KIAA1217: variants seen among roughly 807,000 people sequenced by gnomAD.
KIAA1217 encodes the protein sickle tail protein homolog.
KIAA1217 carries 88 observed loss-of-function variants against 163.9 expected under a neutral mutation model. The observed-to-expected ratio is 0.54, with a 90% CI of 0.45 to 0.64. KIAA1217 has a LOEUF of 0.64. Ranked by LOEUF, KIAA1217 falls within the 30% of genes least tolerant of loss-of-function variation. The probability of loss-of-function intolerance (pLI) is 0.00; values close to 1 mark genes in which losing one functional copy is unlikely to be tolerated. For synonymous variants in KIAA1217, 903 were observed against 923.1 expected (o/e 0.98, Z 0.39); for missense variants, 2,372 against 2,475.0 (o/e 0.96, Z 0.88).
chr10:24,020,802 A>C (rs1847699715), intron 2 of KIAA1217, among the ~76,000 whole-genome samples: 1 of 152,052 alleles, frequency 6.6e-6, no homozygotes, highest in East Asian at 1.9e-4. Flanking sequence ...AAAGCAGAGG[A>C]GACAGACTCT....
chr10:24,128,269 A>G (rs1276677010), intron 2 of KIAA1217, among the ~76,000 whole-genome samples: 3 of 152,222 alleles, frequency 2.0e-5, no homozygotes, highest in African/African-American at 4.8e-5. Flanking sequence ...TTGCCAGAAC[A>G]TTAACCTCAA....
At chr10:24,343,380 A>G (rs2047343006) in intron 2 of KIAA1217, among the ~76,000 whole-genome samples, 1 of 151,236 alleles carries the variant, frequency 6.6e-6, no homozygotes, top group African/African-American at 2.4e-5. Flanking sequence ...ACGTTAGAGT[A>G]TATTTTCCTA....
intron 2 of KIAA1217, among the ~76,000 whole-genome samples, chr10:24,112,061 A>C (rs1236367649): frequency 6.6e-6 from 1 of 152,138 alleles, no homozygotes; most frequent in East Asian, 1.9e-4. Flanking sequence ...TTGGACTCCC[A>C]AAGTACTGAG....
intron 2 of KIAA1217, among the ~76,000 whole-genome samples, chr10:24,123,353 G>A (rs1349835685): frequency 6.6e-6 from 1 of 151,998 alleles, no homozygotes; most frequent in African/African-American, 2.4e-5. Context: ...TTGCAGGATA[G>A]TATCATGTTG....
At chr10:23,763,701 T>A (rs183141651) in intron 1 of KIAA1217, among the ~76,000 whole-genome samples, 60 of 152,318 alleles carry the variant, frequency 3.9e-4, no homozygotes, top group Admixed American at 7.8e-4. Flanking sequence ...GAAGACTTCA[T>A]GACAAGCCAA....
At chr10:24,122,085 A>C (rs1193526965) in intron 2 of KIAA1217, among the ~76,000 whole-genome samples, 4 of 152,108 alleles carry the variant, frequency 2.6e-5, no homozygotes, top group Non-Finnish European at 4.4e-5. Context: ...ACTGAGGTTT[A>C]AGCTTCTATT....
intron 2 of KIAA1217, among the ~76,000 whole-genome samples, chr10:24,262,023 T>A (rs2075773169): frequency 6.6e-6 from 1 of 152,058 alleles, no homozygotes; most frequent in South Asian, 2.1e-4. Flanking sequence ...TTGTAATGTA[T>A]CAGATCCATA....
intron 2 of KIAA1217, among the ~76,000 whole-genome samples, chr10:24,343,537 C>T (rs766819163): frequency 1.3e-5 from 2 of 152,144 alleles, no homozygotes; most frequent in Non-Finnish European, 1.5e-5. Flanking sequence ...AATATTTCTC[C>T]AGTTGTTAAA....
At chr10:23,815,174 G>T (rs35703450) in intron 1 of KIAA1217, among the ~76,000 whole-genome samples, 2 of 152,000 alleles carry the variant, frequency 1.3e-5, no homozygotes, top group Non-Finnish European at 2.9e-5. Context: ...TTAAAATTGA[G>T]GCAAAGGTTT....
intron 1 of KIAA1217, among the ~76,000 whole-genome samples, chr10:23,982,227 TAAAG>T (rs1386826963): frequency 6.6e-6 from 1 of 152,306 alleles, no homozygotes; most frequent in African/African-American, 2.4e-5. Context: ...TTACAACTGT[TAAAG>T]AAAGAAACTG....
intron 1 of KIAA1217, among the ~76,000 whole-genome samples, chr10:23,847,913 T>A (rs917845048): frequency 2.0e-5 from 3 of 152,176 alleles, no homozygotes; most frequent in Non-Finnish European, 4.4e-5. Context: ...TCTGGTACAT[T>A]GTGTCTTTGT....
intron 5 of KIAA1217, among the ~76,000 whole-genome samples, chr10:24,446,692 C>T (rs192499478): frequency 2.0e-5 from 3 of 152,336 alleles, no homozygotes; most frequent in Admixed American, 6.5e-5. Context: ...ACATTCCTGA[C>T]GTGCTTACTC....
intron 1 of KIAA1217, among the ~76,000 whole-genome samples, chr10:23,941,587 G>C (rs752164202): frequency 5.9e-5 from 9 of 152,126 alleles, no homozygotes; most frequent in Non-Finnish European, 8.8e-5. Context: ...GGAAATTGAG[G>C]ATGACCATCT....
chr10:23,903,972 T>C (rs937564557), intron 1 of KIAA1217, among the ~76,000 whole-genome samples: 1 of 152,136 alleles, frequency 6.6e-6, no homozygotes, highest in Non-Finnish European at 1.5e-5. Flanking sequence ...CATATACTAA[T>C]TGATTACCAT....
chr10:23,790,744 T>C (rs1404954139), intron 1 of KIAA1217, among the ~76,000 whole-genome samples: 1 of 146,944 alleles, frequency 6.8e-6, no homozygotes, highest in African/African-American at 2.6e-5. Flanking sequence ...TGTATGTATG[T>C]AAAATCTGAG....
At chr10:24,062,895 A>G (rs1331038100) in intron 2 of KIAA1217, among the ~76,000 whole-genome samples, 6 of 145,662 alleles carry the variant, frequency 4.1e-5, no homozygotes, top group Non-Finnish European at 8.8e-5. Context: ...GCCAGTGATG[A>G]TGAGCATTTT....
At chr10:23,802,475 T>G (rs1374900711) in intron 1 of KIAA1217, among the ~76,000 whole-genome samples, 3 of 152,208 alleles carry the variant, frequency 2.0e-5, no homozygotes, top group African/African-American at 7.2e-5. Context: ...TATTGACCTC[T>G]CTGCAAATTG....
chr10:24,058,946 C>A (rs539694305), intron 2 of KIAA1217, among the ~76,000 whole-genome samples: 5 of 152,134 alleles, frequency 3.3e-5, no homozygotes, highest in Middle Eastern at 3.4e-3. Flanking sequence ...AGTGATCATT[C>A]TTGTCTTCCT....
intron 2 of KIAA1217, among the ~76,000 whole-genome samples, chr10:24,153,147 G>T (rs143277030): frequency 1.3e-5 from 2 of 152,180 alleles, no homozygotes; most frequent in African/African-American, 4.8e-5. Flanking sequence ...TGACTGTGGG[G>T]CTGTCTGTTT....
Sources: gnomAD v4.1 joint callset for allele counts (sites outside exome capture counted in the v4.1 genomes callset) on GRCh38, gnomAD v4.1.1 for gene constraint, MANE v1.5 for transcripts, NCBI Gene and HGNC (gene_info 2026-07-23, HGNC 2026-07-21) for gene names.